ANKRD17: variants seen among roughly 807,000 people sequenced by gnomAD.
The protein encoded by ANKRD17 is ankyrin repeat domain-containing protein 17.
In ANKRD17, 19 loss-of-function variants were observed where a neutral mutation model predicts 229.7. The ratio of observed to expected loss-of-function variants is 0.08; its 90% confidence interval spans 0.06 to 0.12. ANKRD17 has a LOEUF of 0.12. Ranked by LOEUF, ANKRD17 falls within the 10% of genes least tolerant of loss-of-function variation. The pLI is 1.00. For synonymous variants in ANKRD17, 1,112 were observed against 1,146.1 expected, an observed-to-expected ratio of 0.97 and a Z score of 0.60; for missense variants, 2,176 against 3,176.8, an observed-to-expected ratio of 0.68 and a Z score of 7.57.
At chr4:73,136,275 T>C (rs1263851888) in intron 15 of ANKRD17, among the ~76,000 whole-genome samples, 3 of 152,100 alleles carry the variant, frequency 2.0e-5, no homozygotes, top group African/African-American at 7.2e-5. Context: ...TGGATGTGTA[T>C]TACCAAAGTA....
At chr4:73,237,583 C>T (rs1328897983) in intron 1 of ANKRD17, among the ~76,000 whole-genome samples, 1 of 152,030 alleles carries the variant, frequency 6.6e-6, no homozygotes, top group Admixed American at 6.6e-5. Flanking sequence ...GAAAGGAGTC[C>T]ACAAAGTGAG....
At chr4:73,115,724 T>C in intron 23 of ANKRD17, 97 bp downstream of exon 23, 1 of 864,882 alleles carries the variant, frequency 1.2e-6, no homozygotes, top group Non-Finnish European at 1.8e-6. Flanking sequence ...TGAAAATGGC[T>C]ACATATTACA....
intron 27 of ANKRD17, 46 bp downstream of exon 27, chr4:73,097,071 C>A: frequency 6.4e-7 from 1 of 1,556,820 alleles, no homozygotes; most frequent in South Asian, 1.2e-5. Flanking sequence ...TAACACTTGA[C>A]TGTGATATAT....
intron 29 of ANKRD17, among the ~76,000 whole-genome samples, chr4:73,089,789 T>C (rs988346244): frequency 6.6e-6 from 1 of 152,198 alleles, no homozygotes; most frequent in African/African-American, 2.4e-5. Flanking sequence ...CAGTAGAATT[T>C]TGGATAATAG....
intron 21 of ANKRD17, 126 bp from the exon 22 acceptor site, chr4:73,118,976 T>C: frequency 1.1e-6 from 1 of 950,678 alleles, no homozygotes; most frequent in South Asian, 1.8e-5. Flanking sequence ...AGCCTCCACC[T>C]CCAGGGGTCA....
chr4:73,235,335 T>C (rs922918398), intron 1 of ANKRD17, among the ~76,000 whole-genome samples: 10 of 152,116 alleles, frequency 6.6e-5, no homozygotes, highest in African/African-American at 1.4e-4. Context: ...ACCAAAAATG[T>C]TGAGACAGTA....
intron 24 of ANKRD17, among the ~76,000 whole-genome samples, chr4:73,112,260 C>T (rs920221439): frequency 1.3e-5 from 2 of 152,140 alleles, no homozygotes; most frequent in African/African-American, 4.8e-5. Context: ...GGCAGCTGTT[C>T]TTGTCTTTGT....
chr4:73,155,894 T>C (rs531552290), intron 4 of ANKRD17, 116 bp from the exon 5 acceptor site: 4 of 1,477,632 alleles, frequency 2.7e-6, no homozygotes, highest in Admixed American at 4.6e-5. Flanking sequence ...GCACACAAAA[T>C]TTATCTAACA....
intron 7 of ANKRD17, 66 bp from the exon 8 acceptor site, chr4:73,149,116 C>T: frequency 7.7e-7 from 1 of 1,302,310 alleles, no homozygotes; most frequent in Non-Finnish European, 1.1e-6. Context: ...AATTTGAAGA[C>T]TTCTCAATTA....
chr4:73,122,185 T>C (rs569905320), intron 18 of ANKRD17, among the ~76,000 whole-genome samples: 2 of 152,314 alleles, frequency 1.3e-5, no homozygotes, highest in South Asian at 4.1e-4. Context: ...TCCTATATTT[T>C]CACAAGATTA....
At chr4:73,161,105 A>G in intron 3 of ANKRD17, 87 bp downstream of exon 3, 1 of 1,499,962 alleles carries the variant, frequency 6.7e-7, no homozygotes, top group Non-Finnish European at 9.0e-7. Flanking sequence ...CCAGCCAGGC[A>G]CAAAATAAAT....
chr4:73,093,565 C>CG, intron 28 of ANKRD17, among the ~76,000 whole-genome samples: 1 of 152,026 alleles, frequency 6.6e-6, no homozygotes, highest in East Asian at 1.9e-4. Context: ...TTAGTAGAGA[C>CG]GGGGTTTCCC....
At chr4:73,085,155 T>C (rs1336374940) in intron 30 of ANKRD17, 94 bp downstream of exon 30, 4 of 1,350,906 alleles carry the variant, frequency 3.0e-6, no homozygotes, top group Non-Finnish European at 4.1e-6. Context: ...CAAATTACCT[T>C]TTTATGGTAT....
intron 16 of ANKRD17, among the ~76,000 whole-genome samples, chr4:73,132,547 G>A (rs1182908042): frequency 6.6e-6 from 1 of 152,156 alleles, no homozygotes; most frequent in Non-Finnish European, 1.5e-5. Flanking sequence ...TCCACAGAGA[G>A]TAGTTTAACT....
intron 14 of ANKRD17, among the ~76,000 whole-genome samples, chr4:73,140,733 C>T (rs1729491162): frequency 6.6e-6 from 1 of 152,122 alleles, no homozygotes; most frequent in Non-Finnish European, 1.5e-5. Flanking sequence ...CTTTTAAACA[C>T]ACACACATAC....
At chr4:73,191,875 G>C (rs377126686) in intron 1 of ANKRD17, among the ~76,000 whole-genome samples, 10 of 152,054 alleles carry the variant, frequency 6.6e-5, no homozygotes, top group East Asian at 5.8e-4. Flanking sequence ...TTTCTTTCTA[G>C]AAATTTAGTA....
intron 1 of ANKRD17, among the ~76,000 whole-genome samples, chr4:73,191,090 C>A (rs1402790003): frequency 6.6e-6 from 1 of 151,846 alleles, no homozygotes; most frequent in Non-Finnish European, 1.5e-5. Context: ...AGAGAAAATA[C>A]ACAAGAATTG....
rs190587938 is a variant in ANKRD17, at chr4:73,138,478, T to C, written c.3085+1053A>G. On this transcript the variant is annotated intron_variant, in intron 15 of 33. Coordinates refer to ENST00000358602, the MANE Select transcript of ANKRD17 (RefSeq NM_032217.5). The stretch of plus-strand genomic sequence containing the variant: ...CCTAAATATCTAAACACTATACAGT[T>C]TAGTTTCCTATTATCCATTTAAAAG... Among the ~76,000 whole-genome samples, 17 of 152,264 alleles carry C rather than the reference T, an allele frequency of 1.1e-4. No homozygotes were observed. In the East Asian group the frequency reaches 2.9e-3, roughly 26 times the overall value.
At chr4:73,215,128 C>T (rs1449882946) in intron 1 of ANKRD17, among the ~76,000 whole-genome samples, 1 of 152,054 alleles carries the variant, frequency 6.6e-6, no homozygotes, top group East Asian at 1.9e-4. Flanking sequence ...TCAAGAAAAA[C>T]AATTCAAATG....
Sources: gnomAD v4.1 joint callset for allele counts (sites outside exome capture counted in the v4.1 genomes callset) on GRCh38, gnomAD v4.1.1 for gene constraint, MANE v1.5 for transcripts, NCBI Gene and HGNC (gene_info 2026-07-23, HGNC 2026-07-21) for gene names.